The following PCCB variants were observed in gnomAD, a reference collection of about 807,000 sequenced individuals.
PCCB encodes the protein propionyl-CoA carboxylase beta chain, mitochondrial.
A neutral mutation model predicts 60.7 loss-of-function variants in PCCB; 43 were observed. That is an observed-to-expected ratio of 0.71 (90% CI 0.55 to 0.91). The LOEUF is 0.91. PCCB is among the 40% of genes least tolerant of loss of function. The pLI is 0.00. For missense variants in PCCB, 766 were observed against 702.8 expected (o/e 1.09, Z -1.02); for synonymous variants, 276 against 255.9 (o/e 1.08, Z -0.75).
chr3:136,327,017 C>T (rs932148572), intron 11 of PCCB, 107 bp downstream of exon 11: 22 of 1,115,834 alleles, frequency 2.0e-5, no homozygotes, highest in African/African-American at 7.7e-5. Context: ...GTGACTTCTC[C>T]ATGTATTCTG....
In PCCB at chr3:136,250,451, C is replaced by T. The variant is rs764394169; in HGVS notation, c.76C>T (p.Arg26Cys). 5 of 1,605,678 alleles carry T rather than the reference C, an allele frequency of 3.1e-6. No homozygotes were observed. The highest frequency in any genetic ancestry group is 4.3e-6 in the Non-Finnish European group (5 of 1,176,432). ...VLASGLRAAVRSLCSQATSVN... is the reference protein window; with the variant it reads ...VLASGLRAAVCSLCSQATSVN... ...GGCGAGCGGTCTCCGCGCCGCGGTCCGCAGCCTTTGCAGCCAGGCCACCTC... is the reference window on the plus strand; with the variant it reads ...GGCGAGCGGTCTCCGCGCCGCGGTCTGCAGCCTTTGCAGCCAGGCCACCTC... Residue 26 changes from arginine (R) to cysteine (C), a missense_variant, in exon 1 of 15, where the codon CGC (arginine) becomes TGC (cysteine). Transcript: ENST00000251654.
At chr3:136,320,763 T>G (rs1042530040) in intron 10 of PCCB, among the ~76,000 whole-genome samples, 1 of 152,232 alleles carries the variant, frequency 6.6e-6, no homozygotes, top group African/African-American at 2.4e-5. Flanking sequence ...AGGGTCATAT[T>G]TTCTGCAAAT....
chr3:136,329,567 G>A (rs559861123), intron 14 of PCCB, among the ~76,000 whole-genome samples: 20 of 152,338 alleles, frequency 1.3e-4, no homozygotes, highest in African/African-American at 4.6e-4. Context: ...GTACAAGGAT[G>A]AATTGTTATA....
intron 5 of PCCB, among the ~76,000 whole-genome samples, chr3:136,274,437 T>C (rs1942289180): frequency 6.6e-6 from 1 of 152,212 alleles, no homozygotes; most frequent in Non-Finnish European, 1.5e-5. Flanking sequence ...TTAAGGAGGC[T>C]AAAGATAGAA....
At chr3:136,311,919 A>G (rs1015332133) in intron 9 of PCCB, among the ~76,000 whole-genome samples, 1 of 152,240 alleles carries the variant, frequency 6.6e-6, no homozygotes, top group African/African-American at 2.4e-5. Flanking sequence ...CCCAATAAAC[A>G]GTTTTTAAAA....
chr3:136,295,446 A>G (rs1353795141), intron 7 of PCCB, among the ~76,000 whole-genome samples: 3 of 152,198 alleles, frequency 2.0e-5, no homozygotes, highest in East Asian at 1.9e-4. Flanking sequence ...ACCTATCAGC[A>G]TCATTTAGCC....
At chr3:136,268,639 T>G (rs1942102534) in intron 5 of PCCB, among the ~76,000 whole-genome samples, 1 of 152,040 alleles carries the variant, frequency 6.6e-6, no homozygotes, top group African/African-American at 2.4e-5. Context: ...AATTTTTGTA[T>G]TTTTAGTGGA....
intron 7 of PCCB, among the ~76,000 whole-genome samples, chr3:136,297,193 C>A (rs934138368): frequency 6.6e-6 from 1 of 152,108 alleles, no homozygotes; most frequent in Non-Finnish European, 1.5e-5. Flanking sequence ...TATGCAAAGG[C>A]TCTCGGTAGG....
At chr3:136,273,597 C>CTTTTTTTTTTTTTTTTTTTTTTTTTTTT in intron 5 of PCCB, among the ~76,000 whole-genome samples, 46 of 45,242 alleles carry the variant, frequency 1.0e-3, no homozygotes, top group Non-Finnish European at 1.3e-3. Context: ...TTTCTTTTTT[C>CTTTTTTTTTTTTTTTTTTTTTTTTTTTT]TTTTTTTTTT....
At chr3:136,316,837 C>G in intron 9 of PCCB, 104 bp from the exon 10 acceptor site, 4 of 1,350,964 alleles carry the variant, frequency 3.0e-6, no homozygotes, top group Non-Finnish European at 4.2e-6. Flanking sequence ...GAGCTGTCTA[C>G]CTCTACCTCT....
At chr3:136,314,483 T>G (rs560447638) in intron 9 of PCCB, among the ~76,000 whole-genome samples, 1 of 152,096 alleles carries the variant, frequency 6.6e-6, no homozygotes, top group East Asian at 1.9e-4. Context: ...GGTGAAACCC[T>G]GTCTCTACTA....
chr3:136,296,202 T>G (rs1477024489), intron 7 of PCCB, among the ~76,000 whole-genome samples: 1 of 152,192 alleles, frequency 6.6e-6, no homozygotes, highest in Non-Finnish European at 1.5e-5. Context: ...CACAATCAAT[T>G]TCAGGACATT....
At chr3:136,251,283 T>C (rs1941508463) in intron 1 of PCCB, 1 of 456,442 alleles carries the variant, frequency 2.2e-6, no homozygotes. Context: ...GGGCGGCCCA[T>C]TTTGGAGAGG....
Position 136,298,052 on chromosome 3 carries a change from C to A in PCCB, c.864C>A (p.Val288=), listed in dbSNP as rs1934016889. The A allele has an allele frequency of 1.2e-6, 2 of 1,614,154 alleles. No individual in the cohort carries two copies. Among genetic ancestry groups the A allele is most frequent in the Non-Finnish European group, 1.7e-6 (2 of 1,180,006 alleles). The change falls in exon 8 of 15, where the codon GTC becomes GTA. Residue 288 remains valine (V), a synonymous_variant. Coordinates refer to ENST00000251654, the MANE Select transcript of PCCB (RefSeq NM_000532.5). Reference sequence around the variant, plus strand: ...TGAGCAGTCAGGACCCGGCTCCCGTCCGTGAGTGCCACGATCCCAGGTGGG... The same window carrying A: ...TGAGCAGTCAGGACCCGGCTCCCGTACGTGAGTGCCACGATCCCAGGTGGG... ...LPLSSQDPAP[V]RECHDPSDRL... is the part of the protein sequence containing the mutation.
At chr3:136,327,805 G>T in intron 13 of PCCB, 73 bp downstream of exon 13, 1 of 1,230,814 alleles carries the variant, frequency 8.1e-7, no homozygotes, top group Non-Finnish European at 1.2e-6. Context: ...AGGCATAGCT[G>T]GGAAATGTTG....
intron 5 of PCCB, among the ~76,000 whole-genome samples, chr3:136,275,306 A>G (rs925867356): frequency 1.3e-5 from 2 of 151,590 alleles, no homozygotes; most frequent in Non-Finnish European, 2.9e-5. Flanking sequence ...ATATCTATGT[A>G]GAAAATTTTT....
At chr3:136,313,952 T>G (rs1934773342) in intron 9 of PCCB, among the ~76,000 whole-genome samples, 1 of 152,082 alleles carries the variant, frequency 6.6e-6, no homozygotes, top group Non-Finnish European at 1.5e-5. Context: ...AACCCTATAG[T>G]TGCACTGGAG....
intron 5 of PCCB, among the ~76,000 whole-genome samples, chr3:136,268,491 T>G (rs1287557351): frequency 6.7e-6 from 1 of 149,308 alleles, no homozygotes; most frequent in African/African-American, 2.5e-5. Context: ...TTAGATGTAG[T>G]CTCGCTTTGT....
At chr3:136,313,055 T>C (rs1934731850) in intron 9 of PCCB, among the ~76,000 whole-genome samples, 1 of 152,230 alleles carries the variant, frequency 6.6e-6, no homozygotes, top group African/African-American at 2.4e-5. Context: ...TTTTCTCATA[T>C]GTTAGATTGG....
Sources: allele counts gnomAD v4.1 joint callset (sites outside exome capture counted in the v4.1 genomes callset), GRCh38; gene constraint gnomAD v4.1.1; transcripts MANE v1.5; gene names NCBI Gene and HGNC (gene_info 2026-07-23, HGNC 2026-07-21).